ABCD3: variants seen among roughly 807,000 people sequenced by gnomAD.
The protein encoded by ABCD3 is ATP binding cassette subfamily D member 3, also known as ATP-binding cassette sub-family D member 3.
Under a neutral mutation model 105.5 loss-of-function variants are expected in ABCD3, and 41 were observed. The observed-to-expected ratio is 0.39, with a 90% CI of 0.30 to 0.50. The LOEUF (loss-of-function observed/expected upper bound fraction) is 0.50, where lower values mean the gene tolerates loss of function less well. Ranked by LOEUF, ABCD3 falls within the 20% of genes least tolerant of loss-of-function variation. ABCD3 has a pLI of 0.84. For missense variants in ABCD3, 622 were observed against 806.3 expected (o/e 0.77, Z 2.77); for synonymous variants, 258 against 269.0 (o/e 0.96, Z 0.40).
intron 1 of ABCD3, among the ~76,000 whole-genome samples, chr1:94,448,253 ATTG>A (rs1660433331): frequency 3.3e-5 from 5 of 152,202 alleles, no homozygotes; most frequent in Admixed American, 6.5e-5. Context: ...TCCTGGAAAA[ATTG>A]TTGTCTCTCT....
intron 1 of ABCD3, among the ~76,000 whole-genome samples, chr1:94,438,303 C>CACAT (rs1659988237): frequency 2.2e-5 from 1 of 45,170 alleles, no homozygotes; most frequent in African/African-American, 1.2e-4. Flanking sequence ...CACACACATA[C>CACAT]ACACACACAC....
chr1:94,432,911 G>T (rs995380334), intron 1 of ABCD3, among the ~76,000 whole-genome samples: 1 of 151,154 alleles, frequency 6.6e-6, no homozygotes, highest in Admixed American at 6.6e-5. Flanking sequence ...CTGGAGTGCA[G>T]TGGCACTATC....
chr1:94,499,549 G>A lies in ABCD3; in HGVS notation c.1675G>A (p.Gly559Arg). 1 of 1,613,776 alleles carries A rather than the reference G, an allele frequency of 6.2e-7. No individual in the cohort carries two copies. Among genetic ancestry groups the A allele is most frequent in the South Asian group, 1.1e-5 (1 of 91,082 alleles). The change falls in exon 20 of 23, where the codon GGA becomes AGA. Residue 559 changes from glycine to arginine, a missense_variant. Gly to Arg is a moderately radical substitution (Grantham distance 125). This residue lies in a region of ABCD3 where 285 missense variants were observed against 352.5 expected (regional missense o/e 0.81). Coordinates refer to ENST00000370214, the MANE Select transcript of ABCD3 (RefSeq NM_002858.4). The stretch of plus-strand genomic sequence containing the variant: ...GTTGGGTCATATCCTTGAACGTGAA[G>A]GAGGCTGGGACAGTGTTCAGGATTG... ...VQLGHILERE[G>R]GWDSVQDWMD...
At chr1:94,473,745 A>G (rs1469723603) in intron 4 of ABCD3, 21 bp from the exon 5 acceptor site, 18 of 1,603,102 alleles carry the variant, frequency 1.1e-5, no homozygotes, top group Non-Finnish European at 1.5e-5. Flanking sequence ...CAACTAATGC[A>G]TTGCATGTGG....
intron 21 of ABCD3, among the ~76,000 whole-genome samples, chr1:94,508,990 C>G (rs1463762079): frequency 6.6e-6 from 1 of 152,142 alleles, no homozygotes; most frequent in Non-Finnish European, 1.5e-5. Flanking sequence ...CTTGTCCTGC[C>G]TAATTGTCCT....
the ABCD3 span, among the ~76,000 whole-genome samples, chr1:94,405,132 G>A: frequency 6.6e-6 from 1 of 152,058 alleles, no homozygotes; most frequent in Non-Finnish European, 1.5e-5. Flanking sequence ...ATTTTTGGGT[G>A]TGTATCTACT....
At chr1:94,390,712 G>T in the ABCD3 span, among the ~76,000 whole-genome samples, 1 of 152,176 alleles carries the variant, frequency 6.6e-6, no homozygotes, top group African/African-American at 2.4e-5. Context: ...ACAGTTGCAA[G>T]TGTCTTACCA....
chr1:94,511,611 C>T (rs1308151194), intron 21 of ABCD3, among the ~76,000 whole-genome samples: 22 of 152,196 alleles, frequency 1.4e-4, no homozygotes, highest in East Asian at 3.9e-4. Flanking sequence ...CCATTCTCCC[C>T]GTCACTTTCA....
intron 2 of ABCD3, among the ~76,000 whole-genome samples, chr1:94,463,205 C>A (rs960793413): frequency 3.9e-5 from 6 of 152,230 alleles, no homozygotes; most frequent in Admixed American, 3.9e-4. Flanking sequence ...TGCTGAGTCT[C>A]TGTTCCAGCA....
the ABCD3 span, among the ~76,000 whole-genome samples, chr1:94,389,268 C>T: frequency 9.8e-5 from 15 of 152,338 alleles, no homozygotes; most frequent in Non-Finnish European, 1.8e-4. Context: ...GAACAGGCCC[C>T]CACATCTGGC....
At chr1:94,463,366 TTAGCACAGTGTCTGACACA>T (rs754231797) in intron 2 of ABCD3, among the ~76,000 whole-genome samples, 3 of 152,204 alleles carry the variant, frequency 2.0e-5, no homozygotes, top group Non-Finnish European at 4.4e-5. Flanking sequence ...CTATAAAGCC[TTAGCACAGTGTCTGACACA>T]TAGTTGGTAG....
At chr1:94,401,079 C>T in the ABCD3 span, among the ~76,000 whole-genome samples, 6 of 152,172 alleles carry the variant, frequency 3.9e-5, no homozygotes, top group Non-Finnish European at 8.8e-5. Flanking sequence ...CACCAGATGT[C>T]TTCCTTTAAC....
intron 4 of ABCD3, among the ~76,000 whole-genome samples, chr1:94,471,150 T>C (rs1386562616): frequency 1.3e-5 from 2 of 152,200 alleles, no homozygotes; most frequent in African/African-American, 4.8e-5. Flanking sequence ...GTACTCAGTT[T>C]TAAAATTTAA....
rs1417453883 is a variant in ABCD3, at chr1:94,491,183, G to A, written c.1323-1G>A. The A allele has an allele frequency of 9.9e-6, 16 of 1,609,176 alleles. No homozygotes were observed. Among genetic ancestry groups the A allele is most frequent in the Non-Finnish European group, 1.4e-5 (16 of 1,176,376 alleles). The stretch of plus-strand genomic sequence containing the variant: ...TCTCTTTTTAAAAATTTCCTCTATA[G>A]GTTTGATCATGTTCCTTTAGCAACG... On this transcript the variant is annotated splice_acceptor_variant, in intron 15 of 22. Coordinates refer to ENST00000370214, the MANE Select transcript of ABCD3 (RefSeq NM_002858.4). LOFTEE classifies it high-confidence loss of function.
intron 1 of ABCD3, among the ~76,000 whole-genome samples, chr1:94,422,244 A>G (rs1659287864): frequency 6.6e-6 from 1 of 152,198 alleles, no homozygotes; most frequent in African/African-American, 2.4e-5. Flanking sequence ...CCAGCTGCAC[A>G]GCCTGTGCAA....
Position 94,498,690 on chromosome 1 carries a change from G to A in ABCD3, c.1464+11G>A, listed in dbSNP as rs1345540381. 1.2e-6 allele frequency: 2 copies of A among 1,613,344 alleles called. No homozygotes were observed. Among genetic ancestry groups the A allele is most frequent in the Middle Eastern group, 1.7e-4 (1 of 6,056 alleles). On this transcript the variant is annotated intron_variant, in intron 17 of 22. Transcript: ENST00000370214. ...CGTGTTCTTGGTGAAGTAAGTACAA[G>A]TTGGCCTCAAAATTTTGCAGTCTTA...
chr1:94,413,827 A>G (rs115094857), upstream of ABCD3, among the ~76,000 whole-genome samples: 3,803 of 152,288 alleles, frequency 0.025, 126 homozygotes, highest in African/African-American at 0.067. Flanking sequence ...ACCCTACTAC[A>G]TATTAATAGA....
In ABCD3 at chr1:94,505,259, G is replaced by T. The variant is rs115268566; in HGVS notation, c.1741-1279G>T. ...TGTTTCAGCCAGGCTGGAGTGCAGT[G>T]GCCTGATCATAGCTCACTACAGCCT... On this transcript the variant is annotated intron_variant, in intron 20 of 22. Transcript: ENST00000370214. Among the ~76,000 whole-genome samples, 375 of 152,192 alleles carry T rather than the reference G, an allele frequency of 2.5e-3. 7 individuals are homozygous for T. Among genetic ancestry groups the T allele is most frequent in the African/African-American group, 8.8e-3 (366 of 41,520 alleles).
chr1:94,467,875 T>C (rs1298135537), intron 3 of ABCD3, 44 bp from the exon 4 acceptor site: 2 of 1,412,696 alleles, frequency 1.4e-6, no homozygotes, highest in African/African-American at 1.4e-5. Flanking sequence ...CTTTGAACTT[T>C]CTAAAATGCA....
Sources: allele counts gnomAD v4.1 joint callset (sites outside exome capture counted in the v4.1 genomes callset), GRCh38; gene constraint gnomAD v4.1.1; regional missense constraint gnomAD v4.1.1; transcripts MANE v1.5; gene names NCBI Gene and HGNC (gene_info 2026-07-23, HGNC 2026-07-21).